The following WWOX variants were observed in gnomAD, a reference collection of about 807,000 sequenced individuals.
The protein encoded by WWOX is WW domain-containing oxidoreductase.
In WWOX, 69 loss-of-function variants were observed where a neutral mutation model predicts 46.2. That is an observed-to-expected ratio of 1.49 (90% CI 1.23 to 1.82). The LOEUF (loss-of-function observed/expected upper bound fraction) is 1.82, where lower values mean the gene tolerates loss of function less well. Among genes scored for constraint, WWOX ranks in the 40% most tolerant of loss-of-function variants. The probability of loss-of-function intolerance (pLI) is 0.00; values close to 1 mark genes in which losing one functional copy is unlikely to be tolerated. For synonymous variants in WWOX, 359 were observed against 202.6 expected, an observed-to-expected ratio of 1.77 and a Z score of -6.56; for missense variants, 919 against 542.6, an observed-to-expected ratio of 1.69 and a Z score of -6.89.
At chr16:78,410,805 CA>C (rs61207788) in intron 6 of WWOX, among the ~76,000 whole-genome samples, 3,124 of 74,956 alleles carry the variant, frequency 0.042, 32 homozygotes, top group East Asian at 0.082. Context: ...GGCCCCACCT[CA>C]AAAAAAAAAA....
intron 8 of WWOX, among the ~76,000 whole-genome samples, chr16:79,209,581 A>C (rs2051644899): frequency 6.6e-6 from 1 of 152,220 alleles, no homozygotes; most frequent in South Asian, 2.1e-4. Context: ...ATGGCAAGTC[A>C]CTTGGCCACT....
At chr16:79,000,363 T>C (rs1401626221) in intron 8 of WWOX, among the ~76,000 whole-genome samples, 1 of 152,002 alleles carries the variant, frequency 6.6e-6, no homozygotes, top group African/African-American at 2.4e-5. Flanking sequence ...ACATGGCAGA[T>C]GGGGAATTAA....
chr16:78,890,255 A>G (rs1318983152), intron 8 of WWOX: 3 of 152,354 alleles, frequency 2.0e-5, no homozygotes, highest in Admixed American at 1.3e-4. Flanking sequence ...GAAAATAAAT[A>G]AAAAGAAACA....
At chr16:78,591,414 G>A (rs971121853) in intron 8 of WWOX, among the ~76,000 whole-genome samples, 2 of 152,160 alleles carry the variant, frequency 1.3e-5, no homozygotes, top group Non-Finnish European at 2.9e-5. Flanking sequence ...ACTGTCTCCA[G>A]TGGCCAGCAC....
At chr16:78,588,054 C>T (rs1329258060) in intron 8 of WWOX, among the ~76,000 whole-genome samples, 1 of 152,198 alleles carries the variant, frequency 6.6e-6, no homozygotes, top group Non-Finnish European at 1.5e-5. Context: ...TATCTGCTCC[C>T]TGGGTGGTGG....
intron 8 of WWOX, among the ~76,000 whole-genome samples, chr16:78,768,524 A>C (rs978891424): frequency 1.3e-5 from 2 of 151,858 alleles, no homozygotes; most frequent in South Asian, 4.2e-4. Flanking sequence ...TGGGAGGCAA[A>C]GGTTGCAGTG....
In WWOX at chr16:79,212,455, T is replaced by C. The variant is rs1434492629; in HGVS notation, c.*659T>C. The C allele has an allele frequency of 4.0e-6, 1 of 251,062 alleles. No individual in the cohort carries two copies. The highest frequency in any genetic ancestry group is 2.2e-5 in the African/African-American group (1 of 45,782). 15.6% of individuals were successfully genotyped at this position (251,062 alleles called of 1,614,324 possible). ...AAAATTCTTTAGAGATTATAACAAA[T>C]TTTTCAAATCATTCCTTAGATACCT... On this transcript the variant is annotated 3_prime_UTR_variant, in exon 9 of 9. Coordinates refer to ENST00000566780, the MANE Select transcript of WWOX (RefSeq NM_016373.4).
Position 78,111,370 on chromosome 16 carries a change from C to G in WWOX, c.230+1535C>G, listed in dbSNP as rs1003881290. On this transcript the variant is annotated intron_variant, in intron 3 of 8. Coordinates refer to ENST00000566780, the MANE Select transcript of WWOX (RefSeq NM_016373.4). ...TTAATCATTAGCTTTTAATATTACT[C>G]TTTGTGGCATTACTAACATAACCTA... Among the ~76,000 whole-genome samples, 4 of 152,264 alleles carry G rather than the reference C, an allele frequency of 2.6e-5. 2 individuals are homozygous for G. The highest frequency in any genetic ancestry group is 2.6e-4 in the Admixed American group (4 of 15,302).
At chr16:78,735,290 C>A (rs1461359983) in intron 8 of WWOX, among the ~76,000 whole-genome samples, 1 of 151,470 alleles carries the variant, frequency 6.6e-6, no homozygotes, top group East Asian at 1.9e-4. Context: ...TTGCCTATAG[C>A]GGATCTTGAG....
chr16:78,768,446 C>T (rs2049980322), intron 8 of WWOX, among the ~76,000 whole-genome samples: 1 of 151,900 alleles, frequency 6.6e-6, no homozygotes, highest in Non-Finnish European at 1.5e-5. Context: ...AACAATTAGC[C>T]AGGTGTGGTG....
At chr16:79,037,776 C>G (rs776045808) in intron 8 of WWOX, among the ~76,000 whole-genome samples, 14 of 152,216 alleles carry the variant, frequency 9.2e-5, no homozygotes, top group Middle Eastern at 3.4e-3. Context: ...TTATCCCCTA[C>G]AAGGTCATCT....
chr16:79,149,060 C>T (rs1231761556), intron 8 of WWOX, among the ~76,000 whole-genome samples: 1 of 152,034 alleles, frequency 6.6e-6, no homozygotes, highest in African/African-American at 2.4e-5. Context: ...CTAGAACTTC[C>T]TGTGCTATGT....
At chr16:78,492,712 C>T (rs763026513) in intron 8 of WWOX, among the ~76,000 whole-genome samples, 3 of 152,176 alleles carry the variant, frequency 2.0e-5, no homozygotes, top group Non-Finnish European at 4.4e-5. Context: ...TTCTCAATGA[C>T]TTTCAAAGTT....
chr16:78,940,844 T>C (rs1357649831), intron 8 of WWOX, among the ~76,000 whole-genome samples: 1 of 152,112 alleles, frequency 6.6e-6, no homozygotes, highest in Non-Finnish European at 1.5e-5. Context: ...CGGTGTAATG[T>C]ACAGCTTCAT....
At position 78,102,589 on chromosome 16, in the gene WWOX, G is replaced by C. The variant is rs142736576; in HGVS notation, c.107+2704G>C. Reference sequence around the variant, plus strand: ...CTCACCTGTACATCTGTTGGGGAAAGGCTCCTTCTCATCCTTCAGAGCTGA... The same window carrying C: ...CTCACCTGTACATCTGTTGGGGAAACGCTCCTTCTCATCCTTCAGAGCTGA... On this transcript the variant is annotated intron_variant, in intron 1 of 8. Transcript: ENST00000566780. Among the ~76,000 whole-genome samples, 9 of 152,348 alleles carry C rather than the reference G, an allele frequency of 5.9e-5. No homozygotes were observed. The East Asian group carries it at 1.7e-3, about 29-fold the overall frequency.
intron 8 of WWOX, among the ~76,000 whole-genome samples, chr16:78,957,982 G>A (rs879685887): frequency 7.9e-5 from 12 of 152,086 alleles, no homozygotes; most frequent in South Asian, 2.1e-4. Context: ...TCTCACTTTC[G>A]TTTTATTTAA....
chr16:78,100,792 G>A (rs35251003), intron 1 of WWOX, among the ~76,000 whole-genome samples: 34,149 of 152,162 alleles, frequency 0.22, 4,643 homozygotes, highest in Non-Finnish European at 0.3. Flanking sequence ...TTCCTTGATT[G>A]CTCTTAAGAT....
intron 8 of WWOX, among the ~76,000 whole-genome samples, chr16:78,627,253 C>T (rs1015440684): frequency 1.3e-5 from 2 of 152,152 alleles, no homozygotes; most frequent in Non-Finnish European, 2.9e-5. Flanking sequence ...ACCATACCTC[C>T]CCAGGGGATA....
intron 8 of WWOX, among the ~76,000 whole-genome samples, chr16:78,918,089 C>G (rs928537449): frequency 1.3e-5 from 2 of 151,900 alleles, no homozygotes; most frequent in African/African-American, 4.8e-5. Context: ...GTAGTCCCAG[C>G]TACTCAGGAG....
Sources: allele counts gnomAD v4.1 joint callset (sites outside exome capture counted in the v4.1 genomes callset), GRCh38; gene constraint gnomAD v4.1.1; transcripts MANE v1.5; gene names NCBI Gene and HGNC (gene_info 2026-07-23, HGNC 2026-07-21).